The following LAMA1 variants were observed in gnomAD, a reference collection of about 807,000 sequenced individuals.
LAMA1 encodes laminin subunit alpha 1.
LAMA1 carries 219 observed loss-of-function variants against 348.7 expected under a neutral mutation model. The ratio of observed to expected loss-of-function variants is 0.63; its 90% CI spans 0.56 to 0.70. LAMA1 has a LOEUF of 0.70. Among genes scored for constraint, LAMA1 ranks in the 30% least tolerant of loss-of-function variants. The pLI is 0.00. For synonymous variants in LAMA1, 1,487 were observed against 1,491.0 expected, an observed-to-expected ratio of 1.00 and a Z score of 0.06; for missense variants, 3,744 against 3,888.0, an observed-to-expected ratio of 0.96 and a Z score of 0.99.
intron 3 of LAMA1, chr18:7,079,734 C>T (rs933173199): frequency 2.3e-5 from 12 of 529,994 alleles, no homozygotes; most frequent in Admixed American, 3.1e-5. Context: ...GACACAGCTT[C>T]GAAGAACATC....
intron 43 of LAMA1, 147 bp from the exon 44 acceptor site, chr18:6,978,028 C>A (rs2057690482): frequency 7.9e-7 from 1 of 1,263,838 alleles, no homozygotes; most frequent in African/African-American, 1.5e-5. Context: ...GAAAACTGCA[C>A]AAGTAGCATG....
At chr18:7,089,479 C>G (rs141569993) in intron 1 of LAMA1, among the ~76,000 whole-genome samples, 2 of 152,188 alleles carry the variant, frequency 1.3e-5, no homozygotes, top group African/African-American at 2.4e-5. Flanking sequence ...TCCAGGATCC[C>G]GTGCATCTCA....
chr18:7,065,028 T>C (rs1359326207), intron 3 of LAMA1, among the ~76,000 whole-genome samples: 11 of 151,316 alleles, frequency 7.3e-5, no homozygotes, highest in African/African-American at 2.7e-4. Flanking sequence ...GGTCAGGAGA[T>C]CAAGACCATC....
At chr18:6,986,388 AC>A in intron 36 of LAMA1, 41 bp from the exon 37 acceptor site, 1 of 1,582,464 alleles carries the variant, frequency 6.3e-7, no homozygotes, top group Non-Finnish European at 8.7e-7. Flanking sequence ...TAAATGAACA[AC>A]AAAGCTCCTA....
In LAMA1 at chr18:7,052,274, C is replaced by CA. The variant is rs1462852798; in HGVS notation, c.346-1339dup. Among the ~76,000 whole-genome samples, 7 of 151,512 alleles carry CA rather than the reference C, an allele frequency of 4.6e-5. No homozygotes were observed. The South Asian group carries it at 8.3e-4, about 18-fold the overall frequency. ...GTAAAATCCCATCTCTACTAAAATA[C>CA]AAAAAAATTAGCTGCGTGTGGTGGC... is the stretch of plus-strand genomic sequence containing the variant. On this transcript the variant is annotated intron_variant, in intron 3 of 62. Transcript: ENST00000389658.
chr18:7,091,600 G>C (rs1281802956), intron 1 of LAMA1, among the ~76,000 whole-genome samples: 1 of 152,174 alleles, frequency 6.6e-6, no homozygotes, highest in Non-Finnish European at 1.5e-5. Flanking sequence ...ACTTGCTTAT[G>C]CTTTAAAACT....
intron 39 of LAMA1, 27 bp downstream of exon 39, chr18:6,985,210 T>C: frequency 1.2e-6 from 2 of 1,613,762 alleles, no homozygotes; most frequent in Non-Finnish European, 1.7e-6. Flanking sequence ...TGCAAGCTCT[T>C]GAGTTCCCAC....
chr18:7,029,547 T>C (rs956087355), intron 16 of LAMA1, among the ~76,000 whole-genome samples: 3 of 152,150 alleles, frequency 2.0e-5, no homozygotes, highest in African/African-American at 4.8e-5. Context: ...TGTAGTTCTG[T>C]TGAAAAACCC....
At chr18:6,946,045 G>A (rs2057519907) in intron 61 of LAMA1, among the ~76,000 whole-genome samples, 1 of 151,988 alleles carries the variant, frequency 6.6e-6, no homozygotes, top group African/African-American at 2.4e-5. Flanking sequence ...TGCAAATTGT[G>A]GAGTTCATTT....
chr18:7,021,902 T>C (rs913569806), intron 19 of LAMA1, among the ~76,000 whole-genome samples: 42 of 147,702 alleles, frequency 2.8e-4, no homozygotes, highest in African/African-American at 1.0e-3. Flanking sequence ...TTATTACTAG[T>C]AATTATAATA....
Position 7,002,264 on chromosome 18 carries a change from C to T in LAMA1, c.4382G>A (p.Ser1461Asn), listed in dbSNP as rs1420617546. 6.2e-7 allele frequency: 1 copy of T among 1,611,624 alleles called. No individual in the cohort carries two copies. Among genetic ancestry groups the T allele is most frequent in the African/African-American group, 1.3e-5 (1 of 75,062 alleles). ...GCCAGCTGCCCCTGTGGGGACTCAC[C>T]TGGCAGGAGGGCTGTGAGGACAGGC... ...LCACPHSPPA[S>N]FSPTCVLEGD... Residue 1461 changes from serine to asparagine, a missense_variant and splice_region_variant, in exon 30 of 63, where the codon AGT becomes AAT. Physicochemically the swap from Ser to Asn is conservative, Grantham distance 46. Coordinates refer to ENST00000389658, the MANE Select transcript of LAMA1 (RefSeq NM_005559.4).
At chr18:7,084,919 G>T (rs1428634857) in intron 1 of LAMA1, among the ~76,000 whole-genome samples, 4 of 152,168 alleles carry the variant, frequency 2.6e-5, no homozygotes, top group Non-Finnish European at 2.9e-5. Context: ...GGCTAGGCCT[G>T]AGACTTGTTA....
chr18:6,960,503 G>A (rs1358111269), intron 53 of LAMA1: 3 of 151,720 alleles, frequency 2.0e-5, no homozygotes, highest in Admixed American at 6.6e-5. Flanking sequence ...TGCCAGGAGT[G>A]GGGAGAGAGG....
At chr18:7,035,895 G>T in intron 13 of LAMA1, 92 bp downstream of exon 13, 2 of 1,059,830 alleles carry the variant, frequency 1.9e-6, no homozygotes, top group Non-Finnish European at 2.9e-6. Flanking sequence ...CCAGCTCCTT[G>T]CTGGGATGTC....
At chr18:7,041,052 T>C (rs2058018375) in intron 9 of LAMA1, among the ~76,000 whole-genome samples, 1 of 152,150 alleles carries the variant, frequency 6.6e-6, no homozygotes, top group East Asian at 1.9e-4. Flanking sequence ...ATGAAAATGT[T>C]CGACTCTTAG....
intron 1 of LAMA1, among the ~76,000 whole-genome samples, chr18:7,111,269 T>C (rs1467592241): frequency 1.3e-5 from 2 of 152,152 alleles, no homozygotes; most frequent in African/African-American, 4.8e-5. Context: ...TTCACAGTGG[T>C]ATTTCTCTGC....
In LAMA1 at chr18:6,961,946, T is replaced by G. The variant is rs1307079193; in HGVS notation, c.7451A>C (p.Glu2484Ala). Residue 2484 changes from glutamate to alanine, a missense_variant and splice_region_variant, in exon 52 of 63, where the codon GAG (glutamate) becomes GCG (alanine). By Grantham distance (107) the Glu-to-Ala change is moderately radical. Coordinates refer to ENST00000389658, the MANE Select transcript of LAMA1 (RefSeq NM_005559.4). Reference sequence around the variant, plus strand: ...AACATTAATAACAATGTTTCCTACCTCCAGTAAACAGCCTTTTCTCACTCC... The same window carrying G: ...AACATTAATAACAATGTTTCCTACCGCCAGTAAACAGCCTTTTCTCACTCC... ...SYGVRKGCLL[E>A]PIRSVSFLKG... is the part of the protein sequence containing the mutation. 3 of 1,609,370 alleles carry G rather than the reference T, an allele frequency of 1.9e-6. No individual in the cohort carries two copies. Among genetic ancestry groups the G allele is most frequent in the Admixed American group, 3.3e-5 (2 of 60,024 alleles).
At chr18:6,978,415 G>C in intron 42 of LAMA1, 37 bp from the exon 43 acceptor site, 1 of 1,545,974 alleles carries the variant, frequency 6.5e-7, no homozygotes, top group African/African-American at 1.4e-5. Flanking sequence ...CACTTCTGGT[G>C]CTTACACACA....
intron 60 of LAMA1, 57 bp downstream of exon 60, chr18:6,948,346 C>T (rs1037883366): frequency 5.6e-6 from 9 of 1,608,544 alleles, no homozygotes; most frequent in Non-Finnish European, 6.8e-6. Flanking sequence ...GGATCCACAT[C>T]GCTTTAGAGT....
Sources: allele counts gnomAD v4.1 joint callset (sites outside exome capture counted in the v4.1 genomes callset), GRCh38; gene constraint gnomAD v4.1.1; transcripts MANE v1.5; gene names NCBI Gene and HGNC (gene_info 2026-07-23, HGNC 2026-07-21).